Variants in AMPH observed in about 807,000 individuals in gnomAD.
AMPH encodes the protein amphiphysin, also known as amphiphysin (Stiff-Mann syndrome with breast cancer 128kD autoantigen).
Under a neutral mutation model 99.1 loss-of-function variants are expected in AMPH, and 49 were observed. That is an observed-to-expected ratio of 0.49 (90% CI 0.39 to 0.63). The LOEUF (loss-of-function observed/expected upper bound fraction) is 0.63. Among genes scored for constraint, AMPH ranks in the 20% least tolerant of loss-of-function variants. AMPH has a pLI of 0.00. For missense variants in AMPH, 759 were observed against 863.4 expected (o/e 0.88, Z 1.52); for synonymous variants, 314 against 317.3 (o/e 0.99, Z 0.11).
chr7:38,466,338 C>G (rs1787651971), intron 7 of AMPH, 90 bp from the exon 8 acceptor site: 2 of 1,081,248 alleles, frequency 1.8e-6, no homozygotes, highest in Non-Finnish European at 2.7e-6. Flanking sequence ...GTATGAAAAC[C>G]CAGGTTTCTT....
In AMPH at chr7:38,462,955, T is replaced by A. The variant is rs1482239443; in HGVS notation, c.888+20A>T. The stretch of plus-strand genomic sequence containing the variant: ...TCTCATCATGAGCTCTATCCCCCAA[T>A]ATATTTGACCTCTTCCTACCTGTGA... On this transcript the variant is annotated intron_variant, in intron 10 of 20. Coordinates refer to ENST00000356264, the MANE Select transcript of AMPH (RefSeq NM_001635.4). The A allele has an allele frequency of 6.5e-7, 1 of 1,532,252 alleles. No individual in the cohort carries two copies. Among genetic ancestry groups the A allele is most frequent in the African/African-American group, 1.4e-5 (1 of 72,214 alleles). 94.9% of individuals were successfully genotyped at this position (1,532,252 alleles called of 1,614,324 possible).
At chr7:38,469,542 A>G (rs1402852708) in intron 7 of AMPH, among the ~76,000 whole-genome samples, 1 of 152,100 alleles carries the variant, frequency 6.6e-6, no homozygotes, top group Non-Finnish European at 1.5e-5. Flanking sequence ...TTCACTTACT[A>G]TGGAGATGGA....
In AMPH at chr7:38,394,729, C is replaced by T. The variant is rs1452403370; in HGVS notation, c.1399-515G>A. ...CACTTCCTTCATCTTATGTAACATG[C>T]AGAACTACAGAGCATGAGATGAAGG... On this transcript the variant is annotated intron_variant, in intron 17 of 20. Coordinates refer to ENST00000356264, the MANE Select transcript of AMPH (RefSeq NM_001635.4). 2.0e-5 allele frequency among the ~76,000 whole-genome samples: 3 copies of T among 152,174 alleles called. No homozygotes were observed. The East Asian group carries it at 5.8e-4, about 29-fold the overall frequency.
At chr7:38,618,445 G>A (rs1793948019) in intron 1 of AMPH, among the ~76,000 whole-genome samples, 1 of 152,076 alleles carries the variant, frequency 6.6e-6, no homozygotes, top group Admixed American at 6.5e-5. Flanking sequence ...CCGGGAGGCA[G>A]AGCTTACAGT....
At chr7:38,564,102 G>A (rs1791646977) in intron 1 of AMPH, among the ~76,000 whole-genome samples, 3 of 152,074 alleles carry the variant, frequency 2.0e-5, no homozygotes, top group Admixed American at 1.3e-4. Flanking sequence ...TTTCTCTATT[G>A]AATTAGAACA....
intron 1 of AMPH, among the ~76,000 whole-genome samples, chr7:38,600,642 T>C (rs1427654339): frequency 2.0e-5 from 3 of 152,236 alleles, no homozygotes; most frequent in Non-Finnish European, 4.4e-5. Flanking sequence ...GGTAATTTTC[T>C]ATTGTTCAAC....
intron 17 of AMPH, among the ~76,000 whole-genome samples, chr7:38,410,517 C>G (rs1343874241): frequency 6.6e-6 from 1 of 152,134 alleles, no homozygotes; most frequent in African/African-American, 2.4e-5. Context: ...TATGTCATCC[C>G]GATGGCCTAG....
At chr7:38,417,089 T>G (rs1785405309) in intron 17 of AMPH, among the ~76,000 whole-genome samples, 1 of 152,234 alleles carries the variant, frequency 6.6e-6, no homozygotes, top group South Asian at 2.1e-4. Flanking sequence ...TTTCTGCATT[T>G]CATAAATAAA....
At chr7:38,600,103 A>T (rs925317847) in intron 1 of AMPH, among the ~76,000 whole-genome samples, 5 of 152,200 alleles carry the variant, frequency 3.3e-5, no homozygotes, top group Admixed American at 1.3e-4. Flanking sequence ...TTTAAAATAC[A>T]TTTTTATTTG....
At chr7:38,599,383 T>A (rs923271591) in intron 1 of AMPH, among the ~76,000 whole-genome samples, 1 of 152,224 alleles carries the variant, frequency 6.6e-6, no homozygotes, top group Admixed American at 6.5e-5. Context: ...TTTATGATCA[T>A]CCAATTCCAC....
At chr7:38,403,089 G>A (rs1322559300) in intron 17 of AMPH, among the ~76,000 whole-genome samples, 2 of 152,020 alleles carry the variant, frequency 1.3e-5, no homozygotes, top group African/African-American at 4.8e-5. Context: ...GACTGGAGAC[G>A]TCAGAAGCCA....
intron 17 of AMPH, among the ~76,000 whole-genome samples, chr7:38,399,601 T>C (rs1035447619): frequency 6.6e-6 from 1 of 152,258 alleles, no homozygotes; most frequent in African/African-American, 2.4e-5. Flanking sequence ...TTTGTAGAGC[T>C]ATAAAAGAAA....
At chr7:38,581,969 A>G (rs1273497882) in intron 1 of AMPH, among the ~76,000 whole-genome samples, 1 of 152,152 alleles carries the variant, frequency 6.6e-6, no homozygotes, top group Non-Finnish European at 1.5e-5. Flanking sequence ...GCCTAAGAAG[A>G]GATGTCAAGT....
chr7:38,445,062 CAT>C (rs796606205), intron 11 of AMPH, among the ~76,000 whole-genome samples: 20 of 143,414 alleles, frequency 1.4e-4, no homozygotes, highest in East Asian at 6.9e-4. Flanking sequence ...ATGGTATATA[CAT>C]ATATATATAC....
At chr7:38,494,903 T>C (rs954799965) in intron 3 of AMPH, among the ~76,000 whole-genome samples, 6 of 152,110 alleles carry the variant, frequency 3.9e-5, no homozygotes, top group Admixed American at 3.9e-4. Context: ...CTAAAATTAG[T>C]CCTAAATGAA....
intron 17 of AMPH, among the ~76,000 whole-genome samples, chr7:38,417,522 C>T (rs1785424873): frequency 6.6e-6 from 1 of 152,196 alleles, no homozygotes; most frequent in South Asian, 2.1e-4. Flanking sequence ...ACGTCTCCAG[C>T]TGTCACAGGT....
At chr7:38,580,432 C>T (rs1234059959) in intron 1 of AMPH, among the ~76,000 whole-genome samples, 2 of 152,084 alleles carry the variant, frequency 1.3e-5, no homozygotes, top group African/African-American at 4.8e-5. Flanking sequence ...TCTTGAACTT[C>T]ACCTCTTTTT....
At chr7:38,630,061 A>G (rs562632195) in intron 1 of AMPH, among the ~76,000 whole-genome samples, 1 of 152,320 alleles carries the variant, frequency 6.6e-6, no homozygotes, top group African/African-American at 2.4e-5. Flanking sequence ...ACTGGGAGGC[A>G]GCCTGAGATT....
chr7:38,413,196 C>A (rs1298173425), intron 17 of AMPH, among the ~76,000 whole-genome samples: 1 of 152,172 alleles, frequency 6.6e-6, no homozygotes, highest in Admixed American at 6.5e-5. Context: ...TGTTTTATTT[C>A]TAAGCCCTCA....
Sources: allele counts gnomAD v4.1 joint callset (sites outside exome capture counted in the v4.1 genomes callset), GRCh38; gene constraint gnomAD v4.1.1; transcripts MANE v1.5; gene names NCBI Gene and HGNC (gene_info 2026-07-23, HGNC 2026-07-21).